KLHL13: variants seen among roughly 807,000 people sequenced by gnomAD.
KLHL13 encodes the protein kelch like family member 13.
KLHL13 carries 10 observed loss-of-function variants against 37.1 expected under a neutral mutation model. The observed-to-expected ratio is 0.27, with a 90% CI of 0.17 to 0.46. The LOEUF is 0.46. Ranked by LOEUF, KLHL13 falls within the 20% of genes least tolerant of loss-of-function variation. The pLI is 1.00. For missense variants in KLHL13, 360 were observed against 509.3 expected (o/e 0.71, Z 2.82); for synonymous variants, 163 against 181.2 (o/e 0.90, Z 0.81).
chrX:117,933,740 C>T (rs888231225), intron 2 of KLHL13, among the ~76,000 whole-genome samples: 2 of 110,840 alleles, frequency 1.8e-5, no homozygotes, highest in Non-Finnish European at 3.8e-5. Flanking sequence ...AAAAGGTGGA[C>T]ATTTATTAAG....
chrX:118,049,952 C>T (rs1288118868), intron 1 of KLHL13, among the ~76,000 whole-genome samples: 1 of 112,747 alleles, frequency 8.9e-6, no homozygotes, highest in Admixed American at 9.4e-5. Flanking sequence ...CATGTCACCA[C>T]CATGTGGTCA....
intron 1 of KLHL13, among the ~76,000 whole-genome samples, chrX:117,960,260 G>T (rs191543191): frequency 3.2e-3 from 352 of 110,597 alleles, no homozygotes; most frequent in South Asian, 6.2e-3. Context: ...ATACCATCAA[G>T]CCCCTGCACC....
upstream of KLHL13, among the ~76,000 whole-genome samples, chrX:117,974,656 T>C (rs1205517034): frequency 1.8e-5 from 2 of 111,583 alleles, no homozygotes; most frequent in African/African-American, 3.3e-5. Flanking sequence ...TACAGACCAA[T>C]ATCAAGGCAA....
intron 1 of KLHL13, among the ~76,000 whole-genome samples, chrX:118,023,303 T>C (rs759539762): frequency 1.2e-4 from 13 of 111,716 alleles, no homozygotes; most frequent in Non-Finnish European, 2.1e-4. Context: ...TGCTGAATTG[T>C]TGTTTCAGAG....
chrX:117,976,426 T>C (rs1255213030), upstream of KLHL13, among the ~76,000 whole-genome samples: 1 of 112,179 alleles, frequency 8.9e-6, no homozygotes, highest in Non-Finnish European at 1.9e-5. Flanking sequence ...TAATTACAAG[T>C]TGGCAGCATC....
At chrX:117,932,354 C>A (rs1225354290) in intron 2 of KLHL13, among the ~76,000 whole-genome samples, 1 of 111,308 alleles carries the variant, frequency 9.0e-6, no homozygotes, top group Non-Finnish European at 1.9e-5. Context: ...CTACCCTCCC[C>A]AGTCTCTGGT....
intron 1 of KLHL13, among the ~76,000 whole-genome samples, chrX:118,038,285 G>C (rs954909954): frequency 8.9e-6 from 1 of 112,037 alleles, no homozygotes; most frequent in Non-Finnish European, 1.9e-5. Context: ...CTCTCCTGTA[G>C]GAAGACGAAA....
At chrX:118,098,017 G>T (rs1339186653) in intron 1 of KLHL13, among the ~76,000 whole-genome samples, 1 of 111,680 alleles carries the variant, frequency 9.0e-6, no homozygotes, top group East Asian at 2.8e-4. Context: ...ACATAGGCAT[G>T]GGCAAGGACT....
intron 1 of KLHL13, among the ~76,000 whole-genome samples, chrX:117,951,292 T>G (rs929684780): frequency 8.9e-6 from 1 of 111,964 alleles, no homozygotes; most frequent in African/African-American, 3.2e-5. Context: ...TATTGAAAGA[T>G]TTGTCCCCCA....
At chrX:117,973,817 C>T, upstream of KLHL13, 1 of 591,353 alleles carries the variant, frequency 1.7e-6, no homozygotes, top group Non-Finnish European at 2.0e-6. Flanking sequence ...CTCTTGTTCA[C>T]CACCCCCCCC....
chrX:117,989,742 T>C (rs1161500785), intron 1 of KLHL13, among the ~76,000 whole-genome samples: 1 of 111,523 alleles, frequency 9.0e-6, no homozygotes, highest in Non-Finnish European at 1.9e-5. Flanking sequence ...CCTGCCCTTC[T>C]ACTCTACCAA....
chrX:117,941,989 A>G (rs1394576704), intron 2 of KLHL13, among the ~76,000 whole-genome samples: 1 of 112,077 alleles, frequency 8.9e-6, no homozygotes, highest in African/African-American at 3.2e-5. Flanking sequence ...ATTTCTCTCT[A>G]AACACTGCTT....
intron 1 of KLHL13, among the ~76,000 whole-genome samples, chrX:118,064,867 T>A (rs1459015975): frequency 9.0e-6 from 1 of 111,182 alleles, no homozygotes; most frequent in Non-Finnish European, 1.9e-5. Flanking sequence ...AAGGTCTGAA[T>A]GAAATAAAAT....
At chrX:118,012,399 A>G (rs2054079616) in intron 1 of KLHL13, among the ~76,000 whole-genome samples, 1 of 110,089 alleles carries the variant, frequency 9.1e-6, no homozygotes, top group South Asian at 3.9e-4. Context: ...TTTTTTCCCC[A>G]GATTCTAGAG....
intron 1 of KLHL13, among the ~76,000 whole-genome samples, chrX:118,038,077 T>C (rs905840755): frequency 2.7e-5 from 3 of 112,437 alleles, no homozygotes; most frequent in African/African-American, 9.7e-5. Flanking sequence ...TGTACACACA[T>C]TTATGTACCA....
chrX:117,900,788 T>C (rs1216282966), intron 6 of KLHL13, among the ~76,000 whole-genome samples: 1 of 111,026 alleles, frequency 9.0e-6, no homozygotes, highest in African/African-American at 3.3e-5. Flanking sequence ...CCAGGCAGAG[T>C]GTGTCAGGGC....
At chrX:118,107,842 T>C (rs751519988) in intron 1 of KLHL13, among the ~76,000 whole-genome samples, 6 of 111,729 alleles carry the variant, frequency 5.4e-5, no homozygotes, top group Non-Finnish European at 7.5e-5. Context: ...GGAGGATTGC[T>C]TGAGCTCAGG....
At chrX:117,911,738 T>C (rs2147652393) in intron 4 of KLHL13, among the ~76,000 whole-genome samples, 1 of 112,129 alleles carries the variant, frequency 8.9e-6, no homozygotes, top group South Asian at 3.8e-4. Flanking sequence ...CTCATCCTTT[T>C]TTATGGCTGC....
chrX:118,096,866 C>T (rs749846027), intron 1 of KLHL13, among the ~76,000 whole-genome samples: 9 of 111,535 alleles, frequency 8.1e-5, no homozygotes, highest in African/African-American at 2.9e-4. Flanking sequence ...AGGCCTTTGA[C>T]AAAATTCAGC....
Sources: gnomAD v4.1 joint callset for allele counts (sites outside exome capture counted in the v4.1 genomes callset) on GRCh38, gnomAD v4.1.1 for gene constraint, MANE v1.5 for transcripts, NCBI Gene and HGNC (gene_info 2026-07-23, HGNC 2026-07-21) for gene names.